Variants in PALLD observed in about 807,000 individuals in gnomAD.
PALLD encodes the protein palladin, cytoskeletal associated protein, also known as palladin.
A neutral mutation model predicts 123.5 loss-of-function variants in PALLD; 61 were observed. The ratio of observed to expected loss-of-function variants is 0.49; its 90% CI spans 0.40 to 0.61. The LOEUF (loss-of-function observed/expected upper bound fraction) is 0.61. Ranked by LOEUF, PALLD falls within the 20% of genes least tolerant of loss-of-function variation. The pLI, the probability that PALLD is intolerant of heterozygous loss-of-function variation, is 0.00. For synonymous variants in PALLD, 465 were observed against 496.4 expected (o/e 0.94, Z 0.84); for missense variants, 1,273 against 1,377.0 (o/e 0.92, Z 1.20).
intron 9 of PALLD, among the ~76,000 whole-genome samples, chr4:168,710,848 T>G (rs1392531515): frequency 6.6e-6 from 1 of 152,202 alleles, no homozygotes; most frequent in African/African-American, 2.4e-5. Context: ...TGTAATATTT[T>G]CCATTTGTTT....
intron 10 of PALLD, among the ~76,000 whole-genome samples, chr4:168,764,035 C>T (rs541880912): frequency 2.3e-4 from 35 of 152,180 alleles, no homozygotes; most frequent in African/African-American, 8.4e-4. Flanking sequence ...TATTAACCAG[C>T]GTCCTTGTGG....
intron 1 of PALLD, 76 bp downstream of exon 1, chr4:168,497,270 A>C (rs1760844330): frequency 6.6e-6 from 1 of 152,144 alleles, no homozygotes. Flanking sequence ...AACTAAAAAT[A>C]CAAAAGTTTT....
At position 168,869,186 on chromosome 4, in the gene PALLD, C is replaced by T. The variant is rs375466971; in HGVS notation, c.1965-21736C>T. Reference sequence around the variant, plus strand: ...TATATATCTCCTTTATTAGAAGATGCGTTTCCCTTTCCTGTATTCCACACA... The same window carrying T: ...TATATATCTCCTTTATTAGAAGATGTGTTTCCCTTTCCTGTATTCCACACA... On this transcript the variant is annotated intron_variant, in intron 10 of 21. Coordinates refer to ENST00000505667, the MANE Select transcript of PALLD (RefSeq NM_001166108.2). The surrounding 1 kb of genome is among the most constrained non-coding windows in gnomAD (Gnocchi z 4.5). 5.3e-5 allele frequency among the ~76,000 whole-genome samples: 8 copies of T among 152,268 alleles called. No homozygotes were observed. Among genetic ancestry groups the T allele is most frequent in the African/African-American group, 1.2e-4 (5 of 41,560 alleles).
At chr4:168,818,393 T>G (rs1001466101) in intron 10 of PALLD, among the ~76,000 whole-genome samples, 6 of 151,790 alleles carry the variant, frequency 4.0e-5, no homozygotes, top group Non-Finnish European at 5.9e-5. Flanking sequence ...AGCCCAGGAG[T>G]TGGAGACCAG....
At chr4:168,775,827 T>C (rs1735106567) in intron 10 of PALLD, among the ~76,000 whole-genome samples, 1 of 152,226 alleles carries the variant, frequency 6.6e-6, no homozygotes, top group Non-Finnish European at 1.5e-5. Flanking sequence ...TTTGTAACTT[T>C]GTCAAAATTG....
chr4:168,742,175 T>G (rs913741522), intron 10 of PALLD, among the ~76,000 whole-genome samples: 27 of 152,242 alleles, frequency 1.8e-4, no homozygotes, highest in African/African-American at 5.3e-4. Flanking sequence ...GATTTTAATG[T>G]AGAGGTCGTG....
intron 10 of PALLD, among the ~76,000 whole-genome samples, chr4:168,754,038 C>T (rs1731432115): frequency 6.6e-6 from 1 of 152,160 alleles, no homozygotes; most frequent in Non-Finnish European, 1.5e-5. Flanking sequence ...AAAGAAAAGT[C>T]AGAAATCTAA....
At chr4:168,856,519 C>T (rs756095973) in intron 10 of PALLD, among the ~76,000 whole-genome samples, 28 of 152,238 alleles carry the variant, frequency 1.8e-4, no homozygotes, top group Middle Eastern at 6.8e-3. Context: ...GTTGTTTTGA[C>T]GTTGTAGTAA....
At chr4:168,824,402 A>G (rs575718434) in intron 10 of PALLD, among the ~76,000 whole-genome samples, 4 of 152,262 alleles carry the variant, frequency 2.6e-5, no homozygotes, top group African/African-American at 4.8e-5. Flanking sequence ...AAAATCCATT[A>G]TATATTGTAA....
intron 10 of PALLD, among the ~76,000 whole-genome samples, chr4:168,804,397 A>G (rs917974588): frequency 6.6e-6 from 1 of 152,228 alleles, no homozygotes; most frequent in Non-Finnish European, 1.5e-5. Flanking sequence ...AACTACAAGG[A>G]GAATCTTCAG....
At chr4:168,816,832 G>C (rs1248762756) in intron 10 of PALLD, among the ~76,000 whole-genome samples, 2 of 100,496 alleles carry the variant, frequency 2.0e-5, no homozygotes, top group African/African-American at 8.6e-5. Context: ...GTGTGTGTGT[G>C]TGTGTGTGTG....
chr4:168,693,735 GA>G (rs1167926167), intron 8 of PALLD, among the ~76,000 whole-genome samples: 1 of 152,114 alleles, frequency 6.6e-6, no homozygotes, highest in Non-Finnish European at 1.5e-5. Flanking sequence ...GAGTTTTCCT[GA>G]CCTACGATGA....
intron 10 of PALLD, among the ~76,000 whole-genome samples, chr4:168,759,719 A>G (rs574254674): frequency 7.2e-5 from 11 of 152,282 alleles, no homozygotes; most frequent in African/African-American, 2.6e-4. Context: ...GTGCAGGTCC[A>G]GGATTATGAG....
At chr4:168,894,523 G>A (rs2151216578) in intron 11 of PALLD, 56 bp from the exon 12 acceptor site, 2 of 1,054,104 alleles carry the variant, frequency 1.9e-6, no homozygotes, top group Admixed American at 1.8e-5. Context: ...TCATAGGGCA[G>A]TACATATTTG....
intron 2 of PALLD, among the ~76,000 whole-genome samples, chr4:168,663,586 C>T (rs1324324004): frequency 6.6e-6 from 1 of 152,144 alleles, no homozygotes; most frequent in Non-Finnish European, 1.5e-5. Context: ...CCAGGAGGGT[C>T]TTTAACACCT....
intron 2 of PALLD, among the ~76,000 whole-genome samples, chr4:168,575,540 C>A (rs1358967493): frequency 6.6e-6 from 1 of 151,966 alleles, no homozygotes; most frequent in Non-Finnish European, 1.5e-5. Flanking sequence ...GACACAGAGC[C>A]AAACCATATC....
intron 10 of PALLD, among the ~76,000 whole-genome samples, chr4:168,879,257 A>G (rs1193383281): frequency 3.3e-5 from 5 of 152,300 alleles, no homozygotes; most frequent in Middle Eastern, 6.8e-3. Flanking sequence ...TTGAGGATAA[A>G]TAACACCTAC....
chr4:168,526,877 A>C (rs1004132138), intron 2 of PALLD, among the ~76,000 whole-genome samples: 3 of 152,206 alleles, frequency 2.0e-5, no homozygotes, highest in African/African-American at 7.2e-5. Flanking sequence ...TCTGAAAGAG[A>C]CAAGGTGAAG....
intron 10 of PALLD, among the ~76,000 whole-genome samples, chr4:168,861,728 G>T (rs967570739): frequency 6.6e-6 from 1 of 151,678 alleles, no homozygotes; most frequent in African/African-American, 2.4e-5. Context: ...GAGTGTTGTG[G>T]CTGCAAGATC....
Sources: gnomAD v4.1 joint callset for allele counts (sites outside exome capture counted in the v4.1 genomes callset) on GRCh38, gnomAD v4.1.1 for gene constraint, Gnocchi (gnomAD v3.1) non-coding constraint, MANE v1.5 for transcripts, NCBI Gene and HGNC (gene_info 2026-07-23, HGNC 2026-07-21) for gene names.